The following PAX5 variants were observed in gnomAD, a reference collection of about 807,000 sequenced individuals.
PAX5 encodes the protein paired box 5, also known as paired box protein Pax-5.
Under a neutral mutation model 43.7 loss-of-function variants are expected in PAX5, and 9 were observed. That is an observed-to-expected ratio of 0.21 (90% CI 0.12 to 0.36). PAX5 has a LOEUF of 0.36. PAX5 is among the 10% of genes least tolerant of loss of function. The probability of loss-of-function intolerance (pLI) is 1.00; values close to 1 mark genes in which losing one functional copy is unlikely to be tolerated. For missense variants in PAX5, 383 were observed against 532.7 expected (o/e 0.72, Z 2.77); for synonymous variants, 228 against 214.3 (o/e 1.06, Z -0.56).
At chr9:36,951,177 A>G (rs1390667875) in intron 6 of PAX5, among the ~76,000 whole-genome samples, 1 of 152,240 alleles carries the variant, frequency 6.6e-6, no homozygotes, top group Admixed American at 6.5e-5. Context: ...TATTCCTTCC[A>G]GGAGTTCAAA....
At chr9:37,023,268 G>T (rs928069670) in intron 1 of PAX5, among the ~76,000 whole-genome samples, 4 of 152,176 alleles carry the variant, frequency 2.6e-5, no homozygotes, top group African/African-American at 9.7e-5. Flanking sequence ...AAGAGAAAAT[G>T]GAGGAAGCCC....
rs1554681206 is a variant in PAX5 at position 37,001,827 on chromosome 9, T to TC, written c.604+820_604+821insG. ...AGCTCTGGCTTTTTTTTTTTTTTTT[T>TC]TTTTTTTCTTTTCCTGACTAAGGTT... On this transcript the variant is annotated intron_variant, in intron 5 of 9. Coordinates refer to ENST00000358127, the MANE Select transcript of PAX5 (RefSeq NM_016734.3). 1.6e-3 allele frequency among the ~76,000 whole-genome samples: 216 copies of TC among 132,998 alleles called. 1 individual carries two copies. Among genetic ancestry groups the TC allele is most frequent in the East Asian group, 3.7e-3 (16 of 4,352 alleles). 87.3% of individuals were successfully genotyped at this position (132,998 alleles called of 152,430 possible). A position where few individuals can be genotyped will look rare whatever the true frequency, so the allele number is the denominator to read the frequency against.
intron 8 of PAX5, among the ~76,000 whole-genome samples, chr9:36,871,470 GC>G (rs1825489668): frequency 6.6e-6 from 1 of 152,208 alleles, no homozygotes; most frequent in African/African-American, 2.4e-5. Context: ...AGCCCTCCAG[GC>G]CCACCTTGAC....
intron 5 of PAX5, among the ~76,000 whole-genome samples, chr9:36,970,003 T>A (rs1028935248): frequency 3.3e-5 from 5 of 152,250 alleles, no homozygotes; most frequent in African/African-American, 1.2e-4. Flanking sequence ...TAATATTTTT[T>A]AAGTAAATAT....
chr9:36,999,473 A>G (rs1158438396), intron 5 of PAX5, among the ~76,000 whole-genome samples: 1 of 152,102 alleles, frequency 6.6e-6, no homozygotes, highest in African/African-American at 2.4e-5. Context: ...TCACCCGTTC[A>G]CCTCTGCAAG....
chr9:37,010,725 G>A (rs1489547118), intron 3 of PAX5, among the ~76,000 whole-genome samples: 1 of 152,074 alleles, frequency 6.6e-6, no homozygotes, highest in East Asian at 1.9e-4. Context: ...CACATCTATG[G>A]CACTGATCAA....
intron 6 of PAX5, among the ~76,000 whole-genome samples, chr9:36,963,173 C>T (rs1247674656): frequency 1.3e-5 from 2 of 152,232 alleles, no homozygotes; most frequent in African/African-American, 2.4e-5. Flanking sequence ...GCAGATTAAC[C>T]AGAAAACACT....
intron 8 of PAX5, among the ~76,000 whole-genome samples, chr9:36,850,684 T>C (rs1239845917): frequency 6.6e-6 from 1 of 152,158 alleles, no homozygotes; most frequent in Non-Finnish European, 1.5e-5. Flanking sequence ...TTCTGGTAGG[T>C]GCCAGCTTAC....
At chr9:37,014,787 C>T (rs1296662948) in intron 3 of PAX5, among the ~76,000 whole-genome samples, 2 of 152,188 alleles carry the variant, frequency 1.3e-5, no homozygotes, top group African/African-American at 2.4e-5. Context: ...ATGCTCCCCT[C>T]TCCCTGGGCC....
rs1056700454 is a variant in PAX5 at position 36,837,753 on chromosome 9, A to G, written c.*2807T>C. On this transcript the variant is annotated 3_prime_UTR_variant, in exon 10 of 10. Coordinates refer to ENST00000358127, the MANE Select transcript of PAX5 (RefSeq NM_016734.3). ...ATACAAAACCAATCTGAGGACCAGC[A>G]AAGCCTCAGGTGAGGGAGGAAAGGT... 6 of 233,336 alleles carry G rather than the reference A, an allele frequency of 2.6e-5. No homozygotes were observed. Among genetic ancestry groups the G allele is most frequent in the South Asian group, 1.8e-4 (1 of 5,534 alleles). 14.5% of individuals were successfully genotyped at this position (233,336 alleles called of 1,614,324 possible).
At chr9:37,032,165 C>G (rs1376034039) in intron 1 of PAX5, among the ~76,000 whole-genome samples, 1 of 152,202 alleles carries the variant, frequency 6.6e-6, no homozygotes, top group Non-Finnish European at 1.5e-5. Context: ...TCACCCCACC[C>G]CAAGCCCCAC....
In PAX5 at chr9:37,005,998, A is replaced by G. The variant is rs1456308925; in HGVS notation, c.475+475T>C. Among the ~76,000 whole-genome samples, 3 of 152,098 alleles carry G rather than the reference A, an allele frequency of 2.0e-5. No individual in the cohort carries two copies. In the South Asian group the frequency reaches 6.2e-4, roughly 32 times the overall value. On this transcript the variant is annotated intron_variant, in intron 4 of 9. Coordinates refer to ENST00000358127, the MANE Select transcript of PAX5 (RefSeq NM_016734.3). ...TTCATAGAGTTCATGAGATCGAAGC[A>G]AGAGAGAGAGAGAAAGTAAGTTTGG...
chr9:36,913,817 A>T (rs1829510681), intron 7 of PAX5, among the ~76,000 whole-genome samples: 1 of 152,204 alleles, frequency 6.6e-6, no homozygotes, highest in South Asian at 2.1e-4. Flanking sequence ...CTCACCATCC[A>T]GCTGGGCACC....
intron 5 of PAX5, among the ~76,000 whole-genome samples, chr9:36,973,115 GAAAGGAAAGGAAAGGAAAGA>G (rs1329057805): frequency 0.023 from 1,967 of 87,026 alleles, 57 homozygotes; most frequent in African/African-American, 0.069. Context: ...GAAAGGAAAG[GAAAGGAAAGGAAAGGAAAGA>G]AAAGGAAAGG....
Position 36,843,790 on chromosome 9 carries a change from G to A in PAX5, c.1099+3053C>T, listed in dbSNP as rs1822305853. ...GTAGCCCCTTGAAGCAGTGGGCTGG[G>A]GGACTCCATCTGTTGGGAGTGGGTG... On this transcript the variant is annotated intron_variant, in intron 9 of 9. Transcript: ENST00000358127. Among the ~76,000 whole-genome samples, 3 of 152,234 alleles carry A rather than the reference G, an allele frequency of 2.0e-5. No individual in the cohort carries two copies. The South Asian group carries it at 6.2e-4, about 32-fold the overall frequency.
At chr9:36,928,207 G>T (rs1830814401) in intron 6 of PAX5, among the ~76,000 whole-genome samples, 1 of 152,194 alleles carries the variant, frequency 6.6e-6, no homozygotes, top group Non-Finnish European at 1.5e-5. Context: ...AAAGGCAACT[G>T]CATTCTCCCC....
rs141281627 is a variant in PAX5 at position 37,024,233 on chromosome 9, A to G, written c.47-3432T>C. Among the ~76,000 whole-genome samples the G allele has an allele frequency of 1.7e-3, 263 of 152,302 alleles. 1 individual carries two copies. Among genetic ancestry groups the G allele is most frequent in the African/African-American group, 6.0e-3 (251 of 41,566 alleles). The stretch of plus-strand genomic sequence containing the variant: ...GGGAACCGCTCAGGAAGAGAGCAGG[A>G]GGTTATCGTGCTGATGAAAATGATG... On this transcript the variant is annotated intron_variant, in intron 1 of 9. Transcript: ENST00000358127.
chr9:37,025,829 T>C (rs530215545), intron 1 of PAX5, among the ~76,000 whole-genome samples: 1 of 152,340 alleles, frequency 6.6e-6, no homozygotes, highest in African/African-American at 2.4e-5. Flanking sequence ...CTTTCTTTCT[T>C]TCTTTTTCGT....
chr9:36,856,754 G>C (rs1254777195), intron 8 of PAX5, among the ~76,000 whole-genome samples: 4 of 152,082 alleles, frequency 2.6e-5, no homozygotes, highest in Non-Finnish European at 5.9e-5. Context: ...AGCCAGGATG[G>C]TCTTGATCTC....
Sources: gnomAD v4.1 joint callset for allele counts (sites outside exome capture counted in the v4.1 genomes callset) on GRCh38, gnomAD v4.1.1 for gene constraint, MANE v1.5 for transcripts, NCBI Gene and HGNC (gene_info 2026-07-23, HGNC 2026-07-21) for gene names.